The following VTI1A variants were observed in gnomAD, a reference collection of about 807,000 sequenced individuals.
The protein encoded by VTI1A is vesicle transport through interaction with t-SNAREs homolog 1A.
A neutral mutation model predicts 34.9 loss-of-function variants in VTI1A; 22 were observed. That is an observed-to-expected ratio of 0.63 (90% CI 0.45 to 0.90). The LOEUF is 0.90. Ranked by LOEUF, VTI1A falls within the 40% of genes least tolerant of loss-of-function variation. The pLI, the probability that VTI1A is intolerant of heterozygous loss-of-function variation, is 0.00. For synonymous variants in VTI1A, 87 were observed against 97.3 expected (o/e 0.89, Z 0.62); for missense variants, 268 against 275.6 (o/e 0.97, Z 0.20).
intron 5 of VTI1A, among the ~76,000 whole-genome samples, chr10:112,551,034 G>A (rs1331652830): frequency 6.6e-6 from 1 of 152,070 alleles, no homozygotes; most frequent in Non-Finnish European, 1.5e-5. Flanking sequence ...ACGAGGTCGG[G>A]AGATGGAGAC....
At chr10:112,558,790 A>G (rs1334795305) in intron 5 of VTI1A, among the ~76,000 whole-genome samples, 1 of 152,230 alleles carries the variant, frequency 6.6e-6, no homozygotes, top group Non-Finnish European at 1.5e-5. Flanking sequence ...GCAGGCAACA[A>G]AGAAAGAGAT....
At chr10:112,479,273 T>C (rs746041691) in intron 3 of VTI1A, among the ~76,000 whole-genome samples, 10 of 151,534 alleles carry the variant, frequency 6.6e-5, no homozygotes, top group Admixed American at 2.0e-4. Flanking sequence ...AGTACGGGGC[T>C]TTAGGCATGC....
intron 5 of VTI1A, among the ~76,000 whole-genome samples, chr10:112,561,065 C>T (rs1359615203): frequency 6.6e-6 from 1 of 151,880 alleles, no homozygotes; most frequent in Non-Finnish European, 1.5e-5. Flanking sequence ...AAGTGGTTCT[C>T]TCAAAAAAAA....
intron 3 of VTI1A, among the ~76,000 whole-genome samples, chr10:112,477,771 A>G (rs954568972): frequency 2.6e-5 from 4 of 152,178 alleles, no homozygotes; most frequent in African/African-American, 9.7e-5. Context: ...TGAATTTTTT[A>G]TCTGATACCT....
intron 7 of VTI1A, among the ~76,000 whole-genome samples, chr10:112,795,512 G>A (rs1852644364): frequency 7.1e-6 from 1 of 141,680 alleles, no homozygotes; most frequent in African/African-American, 2.7e-5. Flanking sequence ...TCAGCTCACT[G>A]CAGCCTCTGC....
At chr10:112,619,197 A>G (rs941220909) in intron 5 of VTI1A, among the ~76,000 whole-genome samples, 2 of 152,054 alleles carry the variant, frequency 1.3e-5, no homozygotes, top group Non-Finnish European at 2.9e-5. Flanking sequence ...AGGGATAAGT[A>G]TATGCGTGGT....
At chr10:112,613,296 T>C (rs1298732981) in intron 5 of VTI1A, among the ~76,000 whole-genome samples, 1 of 152,234 alleles carries the variant, frequency 6.6e-6, no homozygotes, top group Non-Finnish European at 1.5e-5. Flanking sequence ...CATTTTTCTT[T>C]TGCTGCGTTT....
chr10:112,584,974 TAGTC>T (rs1297404868), intron 5 of VTI1A, among the ~76,000 whole-genome samples: 2 of 152,304 alleles, frequency 1.3e-5, no homozygotes, highest in South Asian at 2.1e-4. Flanking sequence ...TTGTGAAAAT[TAGTC>T]AGAAGACTCT....
chr10:112,570,074 G>A (rs777591670), intron 5 of VTI1A, among the ~76,000 whole-genome samples: 6 of 152,088 alleles, frequency 3.9e-5, no homozygotes, highest in Non-Finnish European at 7.4e-5. Flanking sequence ...CTACTGTGTG[G>A]CATCTCATAC....
chr10:112,845,889 G>A, the VTI1A span, among the ~76,000 whole-genome samples: 10 of 152,168 alleles, frequency 6.6e-5, no homozygotes, highest in East Asian at 7.8e-4. Flanking sequence ...GTGGTGGCAC[G>A]CACCTGTAAT....
intron 3 of VTI1A, among the ~76,000 whole-genome samples, chr10:112,490,219 G>A (rs1013921397): frequency 2.6e-5 from 4 of 152,086 alleles, no homozygotes; most frequent in African/African-American, 9.7e-5. Flanking sequence ...ATGTATTTCT[G>A]CTGTTTCTTT....
intron 5 of VTI1A, among the ~76,000 whole-genome samples, chr10:112,582,816 C>T (rs865775620): frequency 7.8e-4 from 119 of 152,090 alleles, no homozygotes; most frequent in African/African-American, 2.8e-3. Context: ...AAATATAACT[C>T]CTCTGTGAGG....
intron 5 of VTI1A, among the ~76,000 whole-genome samples, chr10:112,618,786 T>A (rs1199308195): frequency 6.6e-6 from 1 of 151,962 alleles, no homozygotes; most frequent in Non-Finnish European, 1.5e-5. Flanking sequence ...AATTATTGAA[T>A]ATTATTAGGA....
rs371622948 is a variant in VTI1A, at chr10:112,757,015, C to T, written c.561-58275C>T. On this transcript the variant is annotated intron_variant, in intron 7 of 7. Coordinates refer to ENST00000393077, the MANE Select transcript of VTI1A (RefSeq NM_145206.4). ...GAGCCGAAATTGCGCCACTGCACTC[C>T]AGCCTGGGTGACAGAGTGAGACCTT... is the stretch of plus-strand genomic sequence containing the variant. Among the ~76,000 whole-genome samples the T allele has an allele frequency of 4.0e-5, 6 of 150,624 alleles. No homozygotes were observed. The East Asian group carries it at 9.7e-4, about 24-fold the overall frequency.
chr10:112,834,341 G>A, the VTI1A span, among the ~76,000 whole-genome samples: 1 of 152,180 alleles, frequency 6.6e-6, no homozygotes, highest in Non-Finnish European at 1.5e-5. Context: ...GAATACGGAT[G>A]GGAATAAGCA....
intron 3 of VTI1A, among the ~76,000 whole-genome samples, chr10:112,469,802 A>G (rs956895966): frequency 6.6e-6 from 1 of 152,164 alleles, no homozygotes; most frequent in Non-Finnish European, 1.5e-5. Flanking sequence ...ATTTTCAGCC[A>G]AAGACTTAGG....
At chr10:112,674,193 C>T (rs1294668248) in intron 7 of VTI1A, among the ~76,000 whole-genome samples, 2 of 152,116 alleles carry the variant, frequency 1.3e-5, no homozygotes, top group African/African-American at 4.8e-5. Flanking sequence ...ATTTTACTTA[C>T]TGGTGATAAA....
At chr10:112,661,764 G>GTT (rs34974968) in intron 5 of VTI1A, among the ~76,000 whole-genome samples, 127 of 105,916 alleles carry the variant, frequency 1.2e-3, no homozygotes, top group Middle Eastern at 0.011. Context: ...CTGCTGTTAA[G>GTT]TTTTTTTTTT....
chr10:112,807,993 G>T (rs765799787), intron 7 of VTI1A, among the ~76,000 whole-genome samples: 1 of 151,102 alleles, frequency 6.6e-6, no homozygotes, highest in Non-Finnish European at 1.5e-5. Flanking sequence ...CGAGGCAAGA[G>T]GATCTCTTGA....
Sources: allele counts gnomAD v4.1 joint callset (sites outside exome capture counted in the v4.1 genomes callset), GRCh38; gene constraint gnomAD v4.1.1; transcripts MANE v1.5; gene names NCBI Gene and HGNC (gene_info 2026-07-23, HGNC 2026-07-21).